EYS: variants seen among roughly 807,000 people sequenced by gnomAD.
The protein encoded by EYS is EGF-like photoreceptor maintenance factor, also known as protein eyes shut homolog.
EYS carries 250 observed loss-of-function variants against 282.1 expected under a neutral mutation model. The observed-to-expected ratio is 0.89, with a 90% CI of 0.80 to 0.98. EYS has a LOEUF of 0.98. EYS is among the 50% of genes least tolerant of loss of function. The pLI is 0.00. For missense variants in EYS, 4,016 were observed against 3,709.0 expected, an observed-to-expected ratio of 1.08 and a Z score of -2.15; for synonymous variants, 1,355 against 1,282.9, an observed-to-expected ratio of 1.06 and a Z score of -1.20.
chr6:65,310,299 A>G (rs1276796072), intron 11 of EYS, among the ~76,000 whole-genome samples: 1 of 152,076 alleles, frequency 6.6e-6, no homozygotes, highest in Admixed American at 6.6e-5. Context: ...AGCCGAGATC[A>G]TGACACTGCA....
intron 22 of EYS, among the ~76,000 whole-genome samples, chr6:64,754,815 G>A (rs1308295367): frequency 6.6e-6 from 1 of 152,046 alleles, no homozygotes; most frequent in Non-Finnish European, 1.5e-5. Flanking sequence ...TAAAAGCCAT[G>A]TATCGCAAAG....
chr6:64,738,043 T>C (rs919283445), intron 22 of EYS, among the ~76,000 whole-genome samples: 1 of 117,968 alleles, frequency 8.5e-6, no homozygotes, highest in Non-Finnish European at 1.9e-5. Context: ...GTTGGTAGCA[T>C]GTGTACTATC....
At chr6:64,512,827 G>A (rs112180316) in intron 26 of EYS, among the ~76,000 whole-genome samples, 48 of 151,888 alleles carry the variant, frequency 3.2e-4, no homozygotes, top group African/African-American at 7.2e-4. Context: ...TTAGTGTTCA[G>A]CATTTTCCAA....
chr6:64,234,518 T>C (rs1330411887), intron 30 of EYS, among the ~76,000 whole-genome samples: 1 of 152,222 alleles, frequency 6.6e-6, no homozygotes, highest in Non-Finnish European at 1.5e-5. Context: ...TCTTGTTATC[T>C]GAATCATAAC....
At chr6:65,458,766 T>A (rs927848453) in intron 5 of EYS, among the ~76,000 whole-genome samples, 1 of 152,142 alleles carries the variant, frequency 6.6e-6, no homozygotes, top group Non-Finnish European at 1.5e-5. Context: ...ACTTATCTTA[T>A]AATTGTGAAA....
chr6:65,280,480 C>T (rs551343625), intron 12 of EYS, among the ~76,000 whole-genome samples: 10 of 152,166 alleles, frequency 6.6e-5, no homozygotes, highest in African/African-American at 1.2e-4. Context: ...AGCACCCTGA[C>T]GTTTCACATA....
At chr6:63,897,483 G>C (rs946675883) in intron 35 of EYS, among the ~76,000 whole-genome samples, 2 of 152,114 alleles carry the variant, frequency 1.3e-5, no homozygotes, top group African/African-American at 4.8e-5. Context: ...AGATTGGAGT[G>C]ATGCATCCAC....
chr6:65,155,696 C>A (rs1764714373), intron 12 of EYS, among the ~76,000 whole-genome samples: 1 of 151,352 alleles, frequency 6.6e-6, no homozygotes, highest in African/African-American at 2.4e-5. Context: ...ATATGATTTC[C>A]TCAGTTATTT....
At chr6:65,631,590 A>C (rs1766914004) in intron 2 of EYS, among the ~76,000 whole-genome samples, 1 of 152,160 alleles carries the variant, frequency 6.6e-6, no homozygotes, top group Non-Finnish European at 1.5e-5. Context: ...ATGACTGAAC[A>C]AGCACAAATA....
At chr6:64,579,437 C>T (rs1180244833) in intron 26 of EYS, among the ~76,000 whole-genome samples, 3 of 152,080 alleles carry the variant, frequency 2.0e-5, no homozygotes, top group Admixed American at 2.0e-4. Flanking sequence ...TGTATAGAGA[C>T]CAAATCTTCA....
At chr6:63,938,527 C>A (rs543472549) in intron 35 of EYS, among the ~76,000 whole-genome samples, 10 of 152,330 alleles carry the variant, frequency 6.6e-5, no homozygotes, top group Middle Eastern at 3.4e-3. Context: ...TTCTTAAATA[C>A]ATTTTCTAAC....
intron 31 of EYS, among the ~76,000 whole-genome samples, chr6:64,082,908 ACTT>A (rs1243297835): frequency 6.9e-6 from 1 of 145,928 alleles, no homozygotes; most frequent in South Asian, 2.3e-4. Flanking sequence ...AGAAAATGCA[ACTT>A]CTTTTTTTTT....
chr6:64,363,515 A>AT (rs1247971911), intron 29 of EYS, among the ~76,000 whole-genome samples: 1 of 151,860 alleles, frequency 6.6e-6, no homozygotes, highest in Non-Finnish European at 1.5e-5. Context: ...TATTTCTGAC[A>AT]TTAGTTTAAT....
chr6:64,398,206 C>T (rs1773436504), intron 28 of EYS, among the ~76,000 whole-genome samples: 1 of 151,832 alleles, frequency 6.6e-6, no homozygotes, highest in Non-Finnish European at 1.5e-5. Context: ...TACATGCTTA[C>T]CACATTATTA....
chr6:64,632,359 C>T (rs553340500), intron 22 of EYS, among the ~76,000 whole-genome samples: 1 of 152,156 alleles, frequency 6.6e-6, no homozygotes, highest in Admixed American at 6.5e-5. Flanking sequence ...AGTAACTGAT[C>T]ATACTTAATC....
At chr6:65,337,646 G>T (rs2150315417) in intron 10 of EYS, among the ~76,000 whole-genome samples, 1 of 150,700 alleles carries the variant, frequency 6.6e-6, no homozygotes, top group African/African-American at 2.4e-5. Flanking sequence ...AGTTACCAAA[G>T]TTAGAAAGTT....
At chr6:64,430,350 C>A (rs544122956) in intron 28 of EYS, among the ~76,000 whole-genome samples, 2 of 152,172 alleles carry the variant, frequency 1.3e-5, no homozygotes, top group East Asian at 1.9e-4. Flanking sequence ...TGCGCCAGTA[C>A]GCCGGGTGAA....
intron 35 of EYS, among the ~76,000 whole-genome samples, chr6:63,960,350 A>C (rs1766005345): frequency 6.6e-6 from 1 of 152,244 alleles, no homozygotes; most frequent in African/African-American, 2.4e-5. Context: ...TCTCATGATC[A>C]AACTTGAGTT....
At chr6:65,175,769 TA>T (rs1187651692) in intron 12 of EYS, among the ~76,000 whole-genome samples, 2 of 151,446 alleles carry the variant, frequency 1.3e-5, no homozygotes, top group African/African-American at 2.4e-5. Context: ...TTTTGTGTGA[TA>T]AAATATTCTA....
Sources: allele counts gnomAD v4.1 joint callset (sites outside exome capture counted in the v4.1 genomes callset), GRCh38; gene constraint gnomAD v4.1.1; transcripts MANE v1.5; gene names NCBI Gene and HGNC (gene_info 2026-07-23, HGNC 2026-07-21).